Variants in THADA observed in about 807,000 individuals in gnomAD.
THADA encodes tRNA (32-2'-O)-methyltransferase regulator THADA.
A neutral mutation model predicts 219.8 loss-of-function variants in THADA; 213 were observed. That is an observed-to-expected ratio of 0.97 (90% confidence interval 0.87 to 1.09). THADA has a LOEUF of 1.09. Ranked by LOEUF, THADA falls within the 50% of genes least tolerant of loss-of-function variation. The probability of loss-of-function intolerance (pLI) is 0.00; values close to 1 mark genes in which losing one functional copy is unlikely to be tolerated. For synonymous variants in THADA, 1,018 were observed against 828.9 expected, an observed-to-expected ratio of 1.23 and a Z score of -3.92; for missense variants, 2,956 against 2,311.3, an observed-to-expected ratio of 1.28 and a Z score of -5.72.
chr2:43,231,160 G>C lies in THADA; in HGVS notation c.5650C>G (p.Gln1884Glu), dbSNP rs984749651. ...GCTGGTGGAAGCTCTCTGAAGAACTGAGACAGGAGGTGGCACTGCTCTGAC... is the reference window on the plus strand; with the variant it reads ...GCTGGTGGAAGCTCTCTGAAGAACTCAGACAGGAGGTGGCACTGCTCTGAC... ...MVSEQCHLLSQFFRELPPAAE... is the reference protein window; with the variant it reads ...MVSEQCHLLSEFFRELPPAAE... Residue 1884 changes from glutamine (Q) to glutamate (E), a missense_variant, in exon 38 of 38, where the codon CAG (glutamine) becomes GAG (glutamate). Coordinates refer to ENST00000405975, the MANE Select transcript of THADA (RefSeq NM_022065.5). The C allele has an allele frequency of 6.2e-7, 1 of 1,613,864 alleles. No homozygotes were observed. The highest frequency in any genetic ancestry group is 8.5e-7 in the Non-Finnish European group (1 of 1,179,810).
chr2:43,506,308 T>G (rs1432672104), intron 23 of THADA, among the ~76,000 whole-genome samples: 1 of 152,212 alleles, frequency 6.6e-6, no homozygotes, highest in Non-Finnish European at 1.5e-5. Context: ...TTTGAAATTT[T>G]CAGTAGCTTC....
chr2:43,246,865 C>T (rs1387380909), intron 36 of THADA, among the ~76,000 whole-genome samples: 2 of 152,168 alleles, frequency 1.3e-5, no homozygotes, highest in Non-Finnish European at 2.9e-5. Context: ...GCTGACATGG[C>T]CCTAGGCTGA....
At chr2:43,266,208 C>T (rs536185837) in intron 36 of THADA, among the ~76,000 whole-genome samples, 182 of 152,200 alleles carry the variant, frequency 1.2e-3, no homozygotes, top group African/African-American at 3.0e-3. Context: ...GGGAAGCTGC[C>T]CATCTCAAAC....
intron 36 of THADA, among the ~76,000 whole-genome samples, chr2:43,276,773 T>C (rs892919470): frequency 6.7e-6 from 1 of 148,928 alleles, no homozygotes; most frequent in African/African-American, 2.6e-5. Flanking sequence ...TCACAGTGAC[T>C]TGTGGCCTCT....
intron 31 of THADA, among the ~76,000 whole-genome samples, chr2:43,297,232 C>T (rs1675541400): frequency 9.1e-6 from 1 of 109,404 alleles, no homozygotes; most frequent in Non-Finnish European, 1.8e-5. Flanking sequence ...CCGGCCGAGA[C>T]CCCGTCTGGG....
intron 26 of THADA, among the ~76,000 whole-genome samples, chr2:43,458,325 G>A (rs980457050): frequency 6.6e-6 from 1 of 152,134 alleles, no homozygotes; most frequent in Non-Finnish European, 1.5e-5. Context: ...AAGCAAAAAG[G>A]GGTGAAGGTG....
chr2:43,553,038 A>G (rs1696935706), intron 17 of THADA, among the ~76,000 whole-genome samples: 1 of 152,222 alleles, frequency 6.6e-6, no homozygotes, highest in South Asian at 2.1e-4. Flanking sequence ...ATGTTTGCAA[A>G]GTTCATCCAT....
chr2:43,566,816 G>T lies in THADA; in HGVS notation c.2193C>A (p.Phe731Leu). ...PSVSLQQYKN[F>L]MSSICNSLFE... ...AAAGACTGTTACAAATGGATGACAT[G>T]AAATTCTTAAAAAAAAAAAAAAAAT... is the stretch of plus-strand genomic sequence containing the variant. The change falls in exon 15 of 38, where the codon TTC (phenylalanine) becomes TTA (leucine). Residue 731 changes from phenylalanine to leucine, a missense_variant. Physicochemically the swap from Phe to Leu is conservative, Grantham distance 22. Transcript: ENST00000405975. 1 of 1,335,172 alleles carries T rather than the reference G, an allele frequency of 7.5e-7. No homozygotes were observed. The highest frequency in any genetic ancestry group is 9.7e-7 in the Non-Finnish European group (1 of 1,027,966). 82.7% of individuals were successfully genotyped at this position (1,335,172 alleles called of 1,614,324 possible). A position where few individuals can be genotyped will look rare whatever the true frequency, so the allele number is the denominator to read the frequency against.
intron 26 of THADA, among the ~76,000 whole-genome samples, chr2:43,445,600 G>T (rs1446149713): frequency 6.6e-6 from 1 of 152,236 alleles, no homozygotes; most frequent in Non-Finnish European, 1.5e-5. Context: ...CACACTGACT[G>T]ATCAGGGCTC....
chr2:43,232,633 G>C (rs1400855800), intron 37 of THADA, 80 bp downstream of exon 37: 3 of 1,467,746 alleles, frequency 2.0e-6, no homozygotes, highest in South Asian at 2.5e-5. Context: ...CAAAAGCCCA[G>C]CTGAGGCTGT....
intron 4 of THADA, among the ~76,000 whole-genome samples, chr2:43,589,298 A>G (rs1213399469): frequency 6.6e-6 from 1 of 152,230 alleles, no homozygotes; most frequent in Non-Finnish European, 1.5e-5. Context: ...CTTATAAGAG[A>G]AGAAAATCCT....
chr2:43,434,290 C>G (rs1161538053), intron 26 of THADA, among the ~76,000 whole-genome samples: 1 of 152,182 alleles, frequency 6.6e-6, no homozygotes, highest in East Asian at 1.9e-4. Flanking sequence ...AATTGGATCC[C>G]AAGCTCCCAC....
At chr2:43,325,756 T>C (rs894941355) in intron 30 of THADA, among the ~76,000 whole-genome samples, 2 of 152,204 alleles carry the variant, frequency 1.3e-5, no homozygotes, top group Non-Finnish European at 1.5e-5. Context: ...GTTTTTGTTA[T>C]GTATCAGCTT....
chr2:43,508,661 G>C lies in THADA; in HGVS notation c.3494C>G (p.Pro1165Arg). 1 of 1,613,150 alleles carries C rather than the reference G, an allele frequency of 6.2e-7. No homozygotes were observed. Among genetic ancestry groups the C allele is most frequent in the Non-Finnish European group, 8.5e-7 (1 of 1,179,534 alleles). ...LCATRRSAGIPFYIQALLASE... is the reference protein window; with the variant it reads ...LCATRRSAGIRFYIQALLASE... ...ACAGATAAATACCTGTATGTAGAAAGGAATTCCAGCACTGCGCCTTGTAGC... is the reference window on the plus strand; with the variant it reads ...ACAGATAAATACCTGTATGTAGAAACGAATTCCAGCACTGCGCCTTGTAGC... Residue 1165 changes from proline (P) to arginine (R), a missense_variant, in exon 23 of 38, where the codon CCT becomes CGT. Pro to Arg is a moderately radical substitution (Grantham distance 103). Transcript: ENST00000405975.
chr2:43,447,278 C>T (rs62137425), intron 26 of THADA, among the ~76,000 whole-genome samples: 2 of 152,102 alleles, frequency 1.3e-5, no homozygotes, highest in Non-Finnish European at 2.9e-5. Flanking sequence ...GGGGTCACAG[C>T]CAAATCATAT....
intron 28 of THADA, among the ~76,000 whole-genome samples, chr2:43,411,714 C>CAT (rs1676327291): frequency 6.6e-6 from 1 of 152,102 alleles, no homozygotes; most frequent in Non-Finnish European, 1.5e-5. Flanking sequence ...TGATTACATA[C>CAT]ACCTATACCC....
chr2:43,271,246 C>A (rs1672085930), intron 36 of THADA, among the ~76,000 whole-genome samples: 1 of 152,204 alleles, frequency 6.6e-6, no homozygotes, highest in African/African-American at 2.4e-5. Context: ...AAGGGAGACA[C>A]AGAGTTAGTC....
chr2:43,488,102 T>G (rs1242413247), intron 25 of THADA, among the ~76,000 whole-genome samples: 2 of 152,218 alleles, frequency 1.3e-5, no homozygotes, highest in Non-Finnish European at 2.9e-5. Flanking sequence ...TTGATCATTT[T>G]CAGAATAATT....
At chr2:43,498,700 G>A in intron 25 of THADA, 133 bp downstream of exon 25, 1 of 1,018,452 alleles carries the variant, frequency 9.8e-7, no homozygotes, top group Non-Finnish European at 1.4e-6. Flanking sequence ...AATGTAGCTT[G>A]ATCCAAAGAT....
Sources: allele counts gnomAD v4.1 joint callset (sites outside exome capture counted in the v4.1 genomes callset), GRCh38; gene constraint gnomAD v4.1.1; transcripts MANE v1.5; gene names NCBI Gene and HGNC (gene_info 2026-07-23, HGNC 2026-07-21).